Variants in MUC12 observed in about 807,000 individuals in gnomAD.
MUC12 encodes mucin-12.
MUC12 carries 172 observed loss-of-function variants against 230.8 expected under a neutral mutation model. The observed-to-expected ratio is 0.75, with a 90% CI of 0.66 to 0.85. The LOEUF (loss-of-function observed/expected upper bound fraction) is 0.85. Ranked by LOEUF, MUC12 falls within the 40% of genes least tolerant of loss-of-function variation. MUC12 has a pLI of 0.00. For missense variants in MUC12, 3,506 were observed against 5,920.6 expected, an observed-to-expected ratio of 0.59 and a Z score of 13.38; for synonymous variants, 1,259 against 2,401.9, an observed-to-expected ratio of 0.52 and a Z score of 13.91.
intron 1 of MUC12, chr7:100,972,896 C>G: frequency 1.4e-6 from 1 of 703,022 alleles, no homozygotes; most frequent in Non-Finnish European, 2.6e-6. Flanking sequence ...GAGAAGCAGA[C>G]AGTCGAGCAA....
intron 1 of MUC12, among the ~76,000 whole-genome samples, chr7:100,984,047 C>T (rs957839028): frequency 6.6e-5 from 10 of 152,098 alleles, no homozygotes; most frequent in Non-Finnish European, 1.3e-4. Context: ...CTAGGAGCCC[C>T]CATGAGGGGC....
rs1584830794 is a variant in MUC12, at chr7:100,991,212, C to T, written c.649C>T (p.Leu217Phe). The T allele has an allele frequency of 1.3e-6, 2 of 1,537,644 alleles. No homozygotes were observed. The highest frequency in any genetic ancestry group is 1.7e-6 in the Non-Finnish European group (2 of 1,146,918). The change falls in exon 2 of 12, where the codon CTT becomes TTT. Residue 217 changes from leucine to phenylalanine, a missense_variant. Transcript: ENST00000536621. ...CCCTGGCACTACCACACCATCATCC[C>T]TTGGTCCAGAATCTACTACCTTCCA... is the stretch of plus-strand genomic sequence containing the variant. ...LSPGTTTPSS[L>F]GPESTTFHSS...
chr7:100,969,755 C>A (rs909118952), intron 1 of MUC12, 66 bp downstream of exon 1: 1 of 1,532,094 alleles, frequency 6.5e-7, no homozygotes. Flanking sequence ...ATGCCCCTGC[C>A]TCAGGCAGCA....
chr7:100,971,263 G>T (rs1469771719), intron 1 of MUC12, among the ~76,000 whole-genome samples: 1 of 152,294 alleles, frequency 6.6e-6, no homozygotes, highest in Non-Finnish European at 1.5e-5. Context: ...TCGTGGCTGT[G>T]TCTGAGAGAT....
rs756182682 is a variant in MUC12, at chr7:100,990,695, C to A, written c.132C>A (p.Asp44Glu). ...CTGCATCCACACCCAGTTCAAGCGA[C>A]CCTTTTACCACCTTTAGTGACTATG... ...TTSASTPSSS[D>E]PFTTFSDYGV... Residue 44 changes from aspartate (D) to glutamate (E), a missense_variant, in exon 2 of 12, where the codon GAC becomes GAA. By Grantham distance (45) the Asp-to-Glu change is conservative. Transcript: ENST00000536621. 5.9e-6 allele frequency: 9 copies of A among 1,537,872 alleles called. No individual in the cohort carries two copies. In the South Asian group the frequency reaches 9.5e-5, roughly 16 times the overall value.
chr7:101,006,443 G>A, intron 2 of MUC12, 28 bp from the exon 3 acceptor site: 1 of 1,493,536 alleles, frequency 6.7e-7, no homozygotes, highest in Non-Finnish European at 9.0e-7. Flanking sequence ...CTCCCACGGT[G>A]ACTGCTGTGG....
chr7:100,990,003 A>G (rs184709286), intron 1 of MUC12, among the ~76,000 whole-genome samples: 1 of 152,172 alleles, frequency 6.6e-6, no homozygotes, highest in Non-Finnish European at 1.5e-5. Flanking sequence ...CTAAAAATTC[A>G]AGTTACAAAT....
chr7:100,970,968 A>G (rs1034313363), intron 1 of MUC12, among the ~76,000 whole-genome samples: 12 of 150,848 alleles, frequency 8.0e-5, no homozygotes, highest in Non-Finnish European at 1.0e-4. Context: ...CTGCACTCCA[A>G]CCTGGGCGAC....
In MUC12 at chr7:100,970,934, C is replaced by T. The variant is rs1202668811; in HGVS notation, c.67+1245C>T. 9.4e-4 allele frequency among the ~76,000 whole-genome samples: 142 copies of T among 151,672 alleles called. 1 individual carries two copies. Among genetic ancestry groups the T allele is most frequent in the Admixed American group, 4.3e-3 (65 of 15,214 alleles). ...ATGGCGTGAACCCGGGAGGCGGAGC[C>T]TGCAGTGAGCCGAGATCGCGCCACT... is the stretch of plus-strand genomic sequence containing the variant. On this transcript the variant is annotated intron_variant, in intron 1 of 11. Transcript: ENST00000536621.
chr7:101,014,022 G>A lies in MUC12; in HGVS notation c.15748G>A (p.Ala5250Thr), dbSNP rs753222181. The A allele has an allele frequency of 6.0e-5, 92 of 1,536,890 alleles. No individual in the cohort carries two copies. Among genetic ancestry groups the A allele is most frequent in the African/African-American group, 1.6e-4 (12 of 73,130 alleles). ...VGAVMAVLLLALIILIILFSL... is the reference protein window; with the variant it reads ...VGAVMAVLLLTLIILIILFSL... ...GGCTGTGATGGCGGTGCTGCTGCTCGCATTGATCATCCTAATCATCTTATT... is the reference window on the plus strand; with the variant it reads ...GGCTGTGATGGCGGTGCTGCTGCTCACATTGATCATCCTAATCATCTTATT... Residue 5250 changes from alanine (A) to threonine (T), a missense_variant, in exon 9 of 12, where the codon GCA becomes ACA. Coordinates refer to ENST00000536621, the MANE Select transcript of MUC12 (RefSeq NM_001164462.2).
chr7:100,975,326 G>T (rs1367248225), intron 1 of MUC12, among the ~76,000 whole-genome samples: 15 of 152,308 alleles, frequency 9.8e-5, no homozygotes, highest in Admixed American at 7.8e-4. Flanking sequence ...GTCTGAAGGG[G>T]TCAGCGCTCT....
intron 5 of MUC12, 113 bp downstream of exon 5, chr7:101,009,272 G>A: frequency 1.9e-6 from 2 of 1,080,580 alleles, no homozygotes; most frequent in Non-Finnish European, 2.7e-6. Flanking sequence ...GGGTCAGAGA[G>A]TCCTGCAGCC....
In MUC12 at chr7:101,012,282, A is replaced by T; in HGVS notation, c.15252-14A>T. The T allele has an allele frequency of 1.3e-6, 2 of 1,536,692 alleles. No homozygotes were observed. Among genetic ancestry groups the T allele is most frequent in the South Asian group, 2.4e-5 (2 of 83,950 alleles). On this transcript the variant is annotated splice_polypyrimidine_tract_variant and intron_variant, in intron 5 of 11. Coordinates refer to ENST00000536621, the MANE Select transcript of MUC12 (RefSeq NM_001164462.2). ...GGTGACATGGGTAACTGATGAAACG[A>T]TTCCCACTTCCAGCAACGGTAGCAT... is the stretch of plus-strand genomic sequence containing the variant.
chr7:101,003,227 C>T lies in MUC12; in HGVS notation c.12664C>T (p.Arg4222Ter), dbSNP rs529995806. Residue 4222 changes from arginine to a stop codon, truncating the protein, a stop_gained, in exon 2 of 12, where the codon CGA (arginine) becomes TGA (stop). Transcript: ENST00000536621. LOFTEE classifies it high-confidence loss of function. Reference protein sequence around the residue: ...VSEESTTSHSRPGSMHTTAFP... With the variant: ...VSEESTTSHS The stretch of plus-strand genomic sequence containing the variant: ...TGAAGAATCCACCACCTCCCACAGC[C>T]GACCAGGCTCAATGCACACAACAGC... 74 of 1,441,762 alleles carry T rather than the reference C, an allele frequency of 5.1e-5. 4 individuals carry two copies. The African/African-American group carries it at 8.5e-4, about 17-fold the overall frequency. The allele number at this position is 1,441,762 out of a possible 1,614,324, so 89.3% of individuals were successfully genotyped here.
At position 101,006,606 on chromosome 7, in the gene MUC12, C is replaced by A. The variant is rs1171215567; in HGVS notation, c.15058+34C>A. 1.4e-5 allele frequency: 20 copies of A among 1,398,022 alleles called. No individual in the cohort carries two copies. In the East Asian group the frequency reaches 5.0e-4, roughly 35 times the overall value. The allele number at this position is 1,398,022 out of a possible 1,614,324, so 86.6% of individuals were successfully genotyped here. On this transcript the variant is annotated intron_variant, in intron 3 of 11. Coordinates refer to ENST00000536621, the MANE Select transcript of MUC12 (RefSeq NM_001164462.2). ...CTTTTCTGAGACCTGCAGCTCTTTG[C>A]AGGCCCTTTCACCCCTGAAAACAGC...
At chr7:101,011,975 T>C (rs575041833) in intron 5 of MUC12, among the ~76,000 whole-genome samples, 1 of 152,236 alleles carries the variant, frequency 6.6e-6, no homozygotes, top group Non-Finnish European at 1.5e-5. Context: ...CTGTTTTCCA[T>C]AGCAGCTGCA....
At position 100,999,217 on chromosome 7, in the gene MUC12, C is replaced by T. The variant is rs1402893598; in HGVS notation, c.8654C>T (p.Ser2885Phe). 7 of 1,478,922 alleles carry T rather than the reference C, an allele frequency of 4.7e-6. No homozygotes were observed. In the Admixed American group the frequency reaches 1.2e-4, roughly 26 times the overall value. 91.6% of individuals were successfully genotyped at this position (1,478,922 alleles called of 1,614,324 possible). Residue 2885 changes from serine to phenylalanine, a missense_variant, in exon 2 of 12, where the codon TCC becomes TTC. Transcript: ENST00000536621. ...SSGVSEESST[S>F]HSQPGSTHTT... ...GGCGTCAGTGAAGAATCCAGCACAT[C>T]CCACAGTCAACCAGGCTCAACGCAC...
At position 100,995,158 on chromosome 7, in the gene MUC12, C is replaced by T. The variant is rs1793437895; in HGVS notation, c.4595C>T (p.Thr1532Ile). ...TSPISSGSTE[T>I]TALPGSTTTA... ...CCCATCAGTTCAGGCTCAACGGAAA[C>T]AACAGCGTTACCTGGCAGTACCACA... Residue 1532 changes from threonine to isoleucine, a missense_variant, in exon 2 of 12, where the codon ACA (threonine) becomes ATA (isoleucine). Coordinates refer to ENST00000536621, the MANE Select transcript of MUC12 (RefSeq NM_001164462.2). 1.9e-6 allele frequency: 2 copies of T among 1,070,306 alleles called. No individual in the cohort carries two copies. Among genetic ancestry groups the T allele is most frequent in the Non-Finnish European group, 2.6e-6 (2 of 769,500 alleles). The allele number at this position is 1,070,306 out of a possible 1,614,324, so 66.3% of individuals were successfully genotyped here.
rs371802124 is a variant in MUC12 at position 100,979,851 on chromosome 7, T to G, written c.67+10162T>G. 3.3e-5 allele frequency among the ~76,000 whole-genome samples: 5 copies of G among 152,192 alleles called. No homozygotes were observed. The East Asian group carries it at 9.7e-4, about 29-fold the overall frequency. ...ACATGTACACACATACATTTATATA[T>G]TCACACACATTTATTGTGTTTTAAA... On this transcript the variant is annotated intron_variant, in intron 1 of 11. Coordinates refer to ENST00000536621, the MANE Select transcript of MUC12 (RefSeq NM_001164462.2).
Sources: allele counts gnomAD v4.1 joint callset (sites outside exome capture counted in the v4.1 genomes callset), GRCh38; gene constraint gnomAD v4.1.1; transcripts MANE v1.5; gene names NCBI Gene and HGNC (gene_info 2026-07-23, HGNC 2026-07-21).